Variants in C3 observed in about 807,000 individuals in gnomAD.
C3 encodes complement C3, also known as C3 and PZP-like alpha-2-macroglobulin domain-containing protein 1.
A neutral mutation model predicts 207.9 loss-of-function variants in C3; 97 were observed. The ratio of observed to expected loss-of-function variants is 0.47; its 90% CI spans 0.40 to 0.55. The LOEUF (loss-of-function observed/expected upper bound fraction) is 0.55. Ranked by LOEUF, C3 falls within the 20% of genes least tolerant of loss-of-function variation. The pLI is 0.00. For synonymous variants in C3, 848 were observed against 857.6 expected, an observed-to-expected ratio of 0.99 and a Z score of 0.20; for missense variants, 1,684 against 2,171.7, an observed-to-expected ratio of 0.78 and a Z score of 4.46.
At chr19:6,713,537 G>C in intron 7 of C3, 28 bp from the exon 8 acceptor site, 1 of 1,533,704 alleles carries the variant, frequency 6.5e-7, no homozygotes. Context: ...AGGGCTTCAG[G>C]TCCATCCCTC....
intron 12 of C3, 28 bp downstream of exon 12, chr19:6,710,959 G>A (rs375162251): frequency 2.5e-6 from 4 of 1,610,540 alleles, no homozygotes; most frequent in Non-Finnish European, 3.4e-6. Flanking sequence ...GAGGAGGCGG[G>A]GGCTGAGGTT....
At position 6,709,674 on chromosome 19, in the gene C3, T is replaced by C. The variant is rs1967862411; in HGVS notation, c.1845+10A>G. On this transcript the variant is annotated intron_variant, in intron 14 of 40. Coordinates refer to ENST00000245907, the MANE Select transcript of C3 (RefSeq NM_000064.4). ...CCTCTTCTCAGCAGCCTTGGGTCAC[T>C]GGCCCTTACCTTACTCTGCGTCAGT... The C allele has an allele frequency of 2.7e-6, 4 of 1,491,898 alleles. No homozygotes were observed. Among genetic ancestry groups the C allele is most frequent in the African/African-American group, 2.9e-5 (2 of 68,010 alleles). The allele number at this position is 1,491,898 out of a possible 1,614,324, so 92.4% of individuals were successfully genotyped here. A position where few individuals can be genotyped will look rare whatever the true frequency, so the allele number is the denominator to read the frequency against.
Position 6,696,209 on chromosome 19 carries a change from CAAAAAAAA to C in C3, c.2950+162_2950+169del, listed in dbSNP as rs963475515. On this transcript the variant is annotated intron_variant, in intron 23 of 40. Transcript: ENST00000245907. ...TGGGTGACAGAGCCAGACTCTGTCTCAAAAAAAAAAAAAAAAAAAAATGTAAAAGAGGG... is the reference window on the plus strand; with the variant it reads ...TGGGTGACAGAGCCAGACTCTGTCTCAAAAAAAAAAAAATGTAAAAGAGGG... Among the ~76,000 whole-genome samples the C allele has an allele frequency of 4.1e-3, 263 of 63,842 alleles. 1 individual carries two copies. The highest frequency in any genetic ancestry group is 0.015 in the African/African-American group (240 of 16,350). 41.9% of individuals were successfully genotyped at this position (63,842 alleles called of 152,430 possible).
rs907261359 is a variant in C3 at position 6,712,815 on chromosome 19, C to T, written c.1004-192G>A. 3.9e-5 allele frequency among the ~76,000 whole-genome samples: 6 copies of T among 152,154 alleles called. No individual in the cohort carries two copies. In the South Asian group the frequency reaches 6.2e-4, roughly 16 times the overall value. On this transcript the variant is annotated intron_variant, in intron 9 of 40. Coordinates refer to ENST00000245907, the MANE Select transcript of C3 (RefSeq NM_000064.4). ...CCTTGCCTCCTCCATCAGACTGGCA[C>T]AGACTTCATACTGGGCCTGTGACCC...
At position 6,714,341 on chromosome 19, in the gene C3, AC is replaced by A; in HGVS notation, c.599+10del. 6.2e-7 allele frequency: 1 copy of A among 1,613,246 alleles called. No individual in the cohort carries two copies. Among genetic ancestry groups the A allele is most frequent in the Non-Finnish European group, 8.5e-7 (1 of 1,179,522 alleles). ...GGAGCCCTGAGCCCCCTCCTCAAGA[AC>A]CTGACATACTTGACGAGTTCCGGAA... On this transcript the variant is annotated intron_variant, in intron 5 of 40. Transcript: ENST00000245907.
At chr19:6,717,590 TTG>T (rs1319060278) in intron 4 of C3, 4 of 249,736 alleles carry the variant, frequency 1.6e-5, no homozygotes, top group East Asian at 9.4e-5. Flanking sequence ...GTTGTGTGTG[TTG>T]TGTGTTGTGT....
At chr19:6,693,705 G>A (rs1297429642) in intron 24 of C3, among the ~76,000 whole-genome samples, 1 of 143,742 alleles carries the variant, frequency 7.0e-6, no homozygotes, top group African/African-American at 2.5e-5. Flanking sequence ...TCAGAGAGGA[G>A]AAGGATATTG....
Position 6,677,983 on chromosome 19 carries a change from AGT to A in C3, c.4889_4890del (p.His1630LeufsTer44). 6.2e-7 allele frequency: 1 copy of A among 1,614,138 alleles called. No homozygotes were observed. The highest frequency in any genetic ancestry group is 2.2e-5 in the East Asian group (1 of 44,874). On this transcript the variant is annotated frameshift_variant, in exon 41 of 41. Transcript: ENST00000245907. LOFTEE classifies it high-confidence loss of function. ...TCTTGGCATTCGTCCTCCTCGGGCC[AGT>A]GCTCCACCCAAGTGTCCTTCCCGAT... ...YIIGKDTWVE[H>X]WPEEDECQDE...
chr19:6,679,068 C>G, intron 38 of C3, 57 bp downstream of exon 38: 1 of 1,365,450 alleles, frequency 7.3e-7, no homozygotes, highest in Middle Eastern at 1.8e-4. Flanking sequence ...TACCACCCAC[C>G]ACACAATTGG....
Position 6,684,376 on chromosome 19 carries a change from C to A in C3, c.4172+12G>T. 6.2e-7 allele frequency: 1 copy of A among 1,612,126 alleles called. No individual in the cohort carries two copies. The highest frequency in any genetic ancestry group is 1.1e-5 in the South Asian group (1 of 91,046). On this transcript the variant is annotated intron_variant, in intron 33 of 40. Transcript: ENST00000245907. The stretch of plus-strand genomic sequence containing the variant: ...GATGGCCAAGATGAACCCCGGTGAC[C>A]TAGCTTCTTACCTGGTACAGATCTC...
In C3 at chr19:6,685,867, C is replaced by T. The variant is rs184445340; in HGVS notation, c.3810+257G>A. Reference sequence around the variant, plus strand: ...GTGGAGAGAGAGGCTTAGACCTGAACCTGGGCCCTGAGAACATGATCTAGA... The same window carrying T: ...GTGGAGAGAGAGGCTTAGACCTGAATCTGGGCCCTGAGAACATGATCTAGA... On this transcript the variant is annotated intron_variant, in intron 29 of 40. Transcript: ENST00000245907. 1.2e-4 allele frequency among the ~76,000 whole-genome samples: 18 copies of T among 152,280 alleles called. No individual in the cohort carries two copies. The East Asian group carries it at 2.5e-3, about 21-fold the overall frequency.
In C3 at chr19:6,719,357, TCTC is replaced by T; in HGVS notation, c.118_120del (p.Glu40del). On this transcript the variant is annotated inframe_deletion, in exon 2 of 41. Transcript: ENST00000245907. This position sits in a 1 kb window ranked among gnomAD's most constrained non-coding sequence, Gnocchi z 5.4. Reference sequence around the variant, plus strand: ...GCGTCGTGGGCCTCCAGCACCATGGTCTCCTCGCTCTCCAGCCGCAAGATGTTG... The same window carrying T: ...GCGTCGTGGGCCTCCAGCACCATGGTCTCGCTCTCCAGCCGCAAGATGTTG... The T allele has an allele frequency of 6.2e-7, 1 of 1,613,900 alleles. No homozygotes were observed.
chr19:6,713,267 C>T lies in C3; in HGVS notation c.925G>A (p.Asp309Asn), dbSNP rs1328509384. The T allele has an allele frequency of 1.2e-6, 2 of 1,613,696 alleles. No homozygotes were observed. Among genetic ancestry groups the T allele is most frequent in the East Asian group, 4.5e-5 (2 of 44,882 alleles). Residue 309 changes from aspartate to asparagine, a missense_variant, in exon 9 of 41, where the codon GAC becomes AAC. This residue lies in a region of C3 where 1,280 missense variants were observed against 1,739.1 expected (regional missense o/e 0.74). Coordinates refer to ENST00000245907, the MANE Select transcript of C3 (RefSeq NM_000064.4). ...EVVLSRKVLL[D>N]GVQNPRAEDL... ...TCTGCTCGGGGGTTCTGCACCCCGT[C>T]CAGCAGTACCTTCCGGCTCAGCACA...
In C3 at chr19:6,709,767, C is replaced by A. The variant is rs1433794094; in HGVS notation, c.1762G>T (p.Asp588Tyr). 6.2e-7 allele frequency: 1 copy of A among 1,614,084 alleles called. No homozygotes were observed. Among genetic ancestry groups the A allele is most frequent in the African/African-American group, 1.3e-5 (1 of 75,034 alleles). ...ACCAGTACCACCCGGGCCCCGTGGT[C>A]ACCCTCTATCTTCAGGGTCATCTGC... The part of the protein sequence containing the change: ...GQQMTLKIEG[D>Y]HGARVVLVAV... The change falls in exon 14 of 41, where the codon GAC becomes TAC. Residue 588 changes from aspartate (D) to tyrosine (Y), a missense_variant. Coordinates refer to ENST00000245907, the MANE Select transcript of C3 (RefSeq NM_000064.4).
intron 23 of C3, among the ~76,000 whole-genome samples, chr19:6,695,537 T>C (rs1046782636): frequency 6.6e-6 from 1 of 152,076 alleles, no homozygotes; most frequent in Non-Finnish European, 1.5e-5. Flanking sequence ...TGGAGTGCAG[T>C]GGCCTGATCT....
In C3 at chr19:6,719,449, G is replaced by GAGACGCCAGTCCTCACTGGAGTCAGCGC; in HGVS notation, c.75-74_75-47dup. 6.4e-7 allele frequency: 1 copy of GAGACGCCAGTCCTCACTGGAGTCAGCGC among 1,560,994 alleles called. No homozygotes were observed. The stretch of plus-strand genomic sequence containing the variant: ...AGTGGGCTTGTCATTCCACGGATGT[G>GAGACGCCAGTCCTCACTGGAGTCAGCGC]AGACGCCAGTCCTCACTGGAGTCAG... On this transcript the variant is annotated intron_variant, in intron 1 of 40. Coordinates refer to ENST00000245907, the MANE Select transcript of C3 (RefSeq NM_000064.4). The surrounding 1 kb of genome is among the most constrained non-coding windows in gnomAD (Gnocchi z 5.4).
chr19:6,693,972 A>G (rs448488), intron 24 of C3, among the ~76,000 whole-genome samples: 8,854 of 46,782 alleles, frequency 0.19, 1,100 homozygotes, highest in African/African-American at 0.24. Flanking sequence ...AAGAGGTGGG[A>G]GGCCCTCAGG....
intron 4 of C3, among the ~76,000 whole-genome samples, chr19:6,715,697 C>T (rs1424634250): frequency 1.3e-5 from 2 of 150,686 alleles, no homozygotes; most frequent in African/African-American, 2.4e-5. Context: ...TCTCGGCTCA[C>T]TGCAGGCTCC....
chr19:6,707,364 G>A (rs1599519080), intron 16 of C3, 91 bp from the exon 17 acceptor site: 4 of 1,591,762 alleles, frequency 2.5e-6, no homozygotes, highest in East Asian at 4.5e-5. Context: ...GGACTTCCCC[G>A]CCGCCAGGGC....
Sources: allele counts gnomAD v4.1 joint callset (sites outside exome capture counted in the v4.1 genomes callset), GRCh38; gene constraint gnomAD v4.1.1; regional missense constraint gnomAD v4.1.1; non-coding constraint Gnocchi (gnomAD v3.1); transcripts MANE v1.5; gene names NCBI Gene and HGNC (gene_info 2026-07-23, HGNC 2026-07-21).